The following OLFM3 variants were observed in gnomAD, a reference collection of about 807,000 sequenced individuals.
OLFM3 encodes the protein olfactomedin 3, also known as noelin-3.
Under a neutral mutation model 48.6 loss-of-function variants are expected in OLFM3, and 20 were observed. That is an observed-to-expected ratio of 0.41 (90% CI 0.29 to 0.60). The LOEUF (loss-of-function observed/expected upper bound fraction) is 0.60, where lower values mean the gene tolerates loss of function less well. OLFM3 is among the 20% of genes least tolerant of loss of function. The pLI, the probability that OLFM3 is intolerant of heterozygous loss-of-function variation, is 0.28. For missense variants in OLFM3, 437 were observed against 544.3 expected (o/e 0.80, Z 1.96); for synonymous variants, 222 against 198.1 (o/e 1.12, Z -1.01).
intron 2 of OLFM3, among the ~76,000 whole-genome samples, chr1:101,836,073 T>G (rs2100921929): frequency 6.6e-6 from 1 of 152,366 alleles, no homozygotes; most frequent in African/African-American, 2.4e-5. Flanking sequence ...AGTCAATTGT[T>G]AAGCATGATG....
At chr1:101,897,611 C>A (rs1163258863) in intron 1 of OLFM3, among the ~76,000 whole-genome samples, 1 of 152,088 alleles carries the variant, frequency 6.6e-6, no homozygotes, top group East Asian at 1.9e-4. Flanking sequence ...CACAAGAATT[C>A]ATGTGGGTAA....
chr1:101,927,368 C>T (rs1659304334), intron 1 of OLFM3, among the ~76,000 whole-genome samples: 1 of 152,030 alleles, frequency 6.6e-6, no homozygotes, highest in South Asian at 2.1e-4. Context: ...TCCATTCAAA[C>T]ATTTCTTGGC....
chr1:101,919,340 T>C (rs1219641769), intron 1 of OLFM3, among the ~76,000 whole-genome samples: 1 of 152,200 alleles, frequency 6.6e-6, no homozygotes, highest in African/African-American at 2.4e-5. Context: ...CAATTTTTTT[T>C]CTCATTCTAC....
chr1:101,856,478 C>G (rs1656412974), intron 1 of OLFM3, among the ~76,000 whole-genome samples: 1 of 151,916 alleles, frequency 6.6e-6, no homozygotes, highest in South Asian at 2.1e-4. Context: ...TTTGCAAATA[C>G]TCATCTGAAA....
chr1:101,885,240 A>G (rs1215751454), intron 1 of OLFM3, among the ~76,000 whole-genome samples: 1 of 152,064 alleles, frequency 6.6e-6, no homozygotes. Flanking sequence ...AAGAGCTAAT[A>G]GACACCACAC....
At chr1:101,834,982 C>T (rs1055762140) in intron 2 of OLFM3, among the ~76,000 whole-genome samples, 1 of 152,036 alleles carries the variant, frequency 6.6e-6, no homozygotes, top group African/African-American at 2.4e-5. Flanking sequence ...GACATTTATA[C>T]TTTATTTTAA....
chr1:101,903,774 T>C (rs1658465816), intron 1 of OLFM3, among the ~76,000 whole-genome samples: 1 of 152,044 alleles, frequency 6.6e-6, no homozygotes, highest in Non-Finnish European at 1.5e-5. Context: ...GGAAATTTGG[T>C]ATCTGAAAAA....
At chr1:101,854,562 G>A (rs778634827) in intron 1 of OLFM3, among the ~76,000 whole-genome samples, 2 of 151,962 alleles carry the variant, frequency 1.3e-5, no homozygotes, top group Non-Finnish European at 2.9e-5. Context: ...GAAGAAGTGG[G>A]AAAATATAAA....
At chr1:101,940,134 C>A (rs1016685848) in intron 1 of OLFM3, among the ~76,000 whole-genome samples, 2 of 152,060 alleles carry the variant, frequency 1.3e-5, no homozygotes, top group African/African-American at 2.4e-5. Context: ...CAAGTGCATG[C>A]ATTCTCCCTA....
chr1:101,863,413 ATCAAGCTACT>A (rs1232677820), intron 1 of OLFM3, among the ~76,000 whole-genome samples: 1 of 152,206 alleles, frequency 6.6e-6, no homozygotes, highest in Non-Finnish European at 1.5e-5. Context: ...CCCTTCAAAT[ATCAAGCTACT>A]TCAACTTGTA....
At chr1:101,981,633 G>T (rs1198676768) in intron 1 of OLFM3, among the ~76,000 whole-genome samples, 1 of 152,124 alleles carries the variant, frequency 6.6e-6, no homozygotes, top group African/African-American at 2.4e-5. Context: ...ATTCCACTTG[G>T]ATGTCTCATA....
intron 1 of OLFM3, among the ~76,000 whole-genome samples, chr1:101,914,628 A>AT (rs1658865108): frequency 6.6e-6 from 1 of 152,208 alleles, no homozygotes; most frequent in South Asian, 2.1e-4. Flanking sequence ...TAGTGCTATA[A>AT]TGCTGGAAAT....
chr1:101,908,846 A>G (rs1014912300), intron 1 of OLFM3, among the ~76,000 whole-genome samples: 1 of 152,206 alleles, frequency 6.6e-6, no homozygotes, highest in Non-Finnish European at 1.5e-5. Context: ...TGGAGCCACC[A>G]GAAAGCTGGA....
intron 4 of OLFM3, among the ~76,000 whole-genome samples, chr1:101,807,658 AT>A (rs1483330529): frequency 6.6e-5 from 10 of 151,854 alleles, no homozygotes; most frequent in Non-Finnish European, 1.0e-4. Flanking sequence ...TAGTTTAGTG[AT>A]AACTACAAAT....
chr1:101,920,721 G>T (rs934453328), intron 1 of OLFM3, among the ~76,000 whole-genome samples: 22 of 152,162 alleles, frequency 1.4e-4, no homozygotes, highest in African/African-American at 5.3e-4. Flanking sequence ...GCTTCTGCCA[G>T]AGCTCTTGTA....
intron 1 of OLFM3, among the ~76,000 whole-genome samples, chr1:101,881,517 T>G (rs1454032361): frequency 6.6e-6 from 1 of 151,930 alleles, no homozygotes; most frequent in African/African-American, 2.4e-5. Flanking sequence ...CGTATAATAA[T>G]AAGACTCAGT....
intron 1 of OLFM3, among the ~76,000 whole-genome samples, chr1:101,860,171 G>A (rs1257152843): frequency 3.3e-5 from 5 of 152,140 alleles, no homozygotes; most frequent in African/African-American, 1.2e-4. Context: ...TTCTTATCAA[G>A]AAAGGGGGTC....
At chr1:101,984,546 T>C (rs951867690) in intron 1 of OLFM3, among the ~76,000 whole-genome samples, 1 of 152,150 alleles carries the variant, frequency 6.6e-6, no homozygotes, top group African/African-American at 2.4e-5. Context: ...TACAGGCGTC[T>C]GCCGCCATGC....
At chr1:101,894,493 T>C (rs1658123441) in intron 1 of OLFM3, among the ~76,000 whole-genome samples, 1 of 152,140 alleles carries the variant, frequency 6.6e-6, no homozygotes, top group South Asian at 2.1e-4. Context: ...ATCCAGATAA[T>C]TTAAACCCTA....
Sources: gnomAD v4.1 joint callset for allele counts (sites outside exome capture counted in the v4.1 genomes callset) on GRCh38, gnomAD v4.1.1 for gene constraint, MANE v1.5 for transcripts, NCBI Gene and HGNC (gene_info 2026-07-23, HGNC 2026-07-21) for gene names.